HDAC8: variants seen among roughly 807,000 people sequenced by gnomAD.
The protein encoded by HDAC8 is histone deacetylase-like 1.
HDAC8 carries 1 observed loss-of-function variant against 32.2 expected under a neutral mutation model. That is an observed-to-expected ratio of 0.03 (90% CI 0.01 to 0.15). The LOEUF is 0.15. HDAC8 is among the 10% of genes least tolerant of loss of function. The probability of loss-of-function intolerance (pLI) is 1.00; values close to 1 mark genes in which losing one functional copy is unlikely to be tolerated. For synonymous variants in HDAC8, 108 were observed against 113.9 expected (o/e 0.95, Z 0.33); for missense variants, 117 against 300.0 (o/e 0.39, Z 4.51).
chrX:72,374,653 T>C (rs2044996839), intron 9 of HDAC8, among the ~76,000 whole-genome samples: 1 of 109,446 alleles, frequency 9.1e-6, no homozygotes, highest in Admixed American at 9.7e-5. Flanking sequence ...GCCTGGGTGA[T>C]GGGAGTGAAA....
intron 4 of HDAC8, among the ~76,000 whole-genome samples, chrX:72,544,506 G>A (rs782716317): frequency 9.0e-6 from 1 of 111,364 alleles, no homozygotes; most frequent in East Asian, 2.8e-4. Flanking sequence ...TGGTATCAAG[G>A]GATTGCTGAT....
intron 5 of HDAC8, among the ~76,000 whole-genome samples, chrX:72,491,470 G>C (rs1207428538): frequency 3.6e-5 from 4 of 112,150 alleles, no homozygotes; most frequent in Non-Finnish European, 5.6e-5. Context: ...ATAACCCTTT[G>C]AAAAATATGA....
At chrX:72,467,177 T>TACACACACACACACACACACAC in intron 7 of HDAC8, 1 of 96,380 alleles carries the variant, frequency 1.0e-5, no homozygotes, top group Admixed American at 1.2e-4. Context: ...TGCATAGAGC[T>TACACACACACACACACACACAC]ACACACACAC....
At chrX:72,523,724 G>T (rs1255487245) in intron 4 of HDAC8, among the ~76,000 whole-genome samples, 2 of 112,011 alleles carry the variant, frequency 1.8e-5, no homozygotes. Context: ...CCTTTATTGA[G>T]AATTTACTAT....
At chrX:72,437,701 C>A (rs782080442) in intron 9 of HDAC8, among the ~76,000 whole-genome samples, 3 of 112,051 alleles carry the variant, frequency 2.7e-5, no homozygotes, top group Non-Finnish European at 5.6e-5. Flanking sequence ...CGGTTTTCCA[C>A]TCACAGTGTA....
chrX:72,564,694 A>G (rs1330884540), intron 4 of HDAC8, among the ~76,000 whole-genome samples: 2 of 111,637 alleles, frequency 1.8e-5, no homozygotes, highest in Non-Finnish European at 3.8e-5. Flanking sequence ...TTCACTTGCA[A>G]TGCATCCTTT....
intron 4 of HDAC8, among the ~76,000 whole-genome samples, chrX:72,543,533 A>G (rs2050771580): frequency 9.0e-6 from 1 of 111,646 alleles, no homozygotes; most frequent in South Asian, 3.8e-4. Flanking sequence ...AATCTACAAT[A>G]GAGTTCATTG....
chrX:72,483,815 C>T (rs1267805208), intron 7 of HDAC8, among the ~76,000 whole-genome samples: 3 of 111,410 alleles, frequency 2.7e-5, no homozygotes, highest in Non-Finnish European at 3.8e-5. Flanking sequence ...TATAAAGATA[C>T]TATAATTTTT....
At chrX:72,440,292 A>T (rs1415989850) in intron 9 of HDAC8, among the ~76,000 whole-genome samples, 1 of 111,840 alleles carries the variant, frequency 8.9e-6, no homozygotes, top group African/African-American at 3.3e-5. Context: ...CAAAGATACA[A>T]TGTACCAGAA....
At chrX:72,509,096 C>A (rs60546280) in intron 4 of HDAC8, among the ~76,000 whole-genome samples, 1 of 107,521 alleles carries the variant, frequency 9.3e-6, no homozygotes, top group Non-Finnish European at 1.9e-5. Context: ...AAGATCTACC[C>A]TCTTATCAAT....
At chrX:72,443,909 T>C (rs1358478697) in intron 9 of HDAC8, among the ~76,000 whole-genome samples, 1 of 108,554 alleles carries the variant, frequency 9.2e-6, no homozygotes, top group Non-Finnish European at 1.9e-5. Context: ...TACAAACACC[T>C]CTATGCAAAT....
intron 10 of HDAC8, among the ~76,000 whole-genome samples, 174 bp from the exon 11 acceptor site, chrX:72,330,250 A>G (rs1555939854): frequency 2.7e-5 from 3 of 111,623 alleles, no homozygotes; most frequent in Non-Finnish European, 5.6e-5. Flanking sequence ...GGATGATGAG[A>G]AACAAATGGC....
intron 4 of HDAC8, among the ~76,000 whole-genome samples, chrX:72,515,941 C>G (rs1237722331): frequency 8.9e-6 from 1 of 111,962 alleles, no homozygotes; most frequent in African/African-American, 3.3e-5. Flanking sequence ...CTTCCCTGGT[C>G]TGAGAAGCTG....
intron 7 of HDAC8, chrX:72,473,645 C>G: frequency 1.3e-6 from 1 of 751,806 alleles, no homozygotes; most frequent in Non-Finnish European, 1.6e-6. Context: ...AGTTTTTGCT[C>G]TAAACCACTA....
At chrX:72,505,544 G>A (rs1308798293) in intron 4 of HDAC8, among the ~76,000 whole-genome samples, 1 of 111,637 alleles carries the variant, frequency 9.0e-6, no homozygotes, top group Non-Finnish European at 1.9e-5. Context: ...AGGGCTAGGC[G>A]CAGTGGCTCA....
At chrX:72,548,053 C>T (rs1163678575) in intron 4 of HDAC8, among the ~76,000 whole-genome samples, 12 of 111,744 alleles carry the variant, frequency 1.1e-4, no homozygotes, top group African/African-American at 3.3e-4. Context: ...GACTGTGATA[C>T]CTTAAGCGGT....
chrX:72,563,496 C>T (rs1009445085), intron 4 of HDAC8, among the ~76,000 whole-genome samples: 19 of 111,111 alleles, frequency 1.7e-4, no homozygotes, highest in Non-Finnish European at 2.8e-4. Context: ...GAGCCAAGAC[C>T]GTGCAACTGC....
intron 4 of HDAC8, among the ~76,000 whole-genome samples, chrX:72,502,925 CA>C (rs1200626997): frequency 9.1e-6 from 1 of 109,372 alleles, no homozygotes; most frequent in Non-Finnish European, 1.9e-5. Context: ...GACTCTGTCT[CA>C]AAAAAAATAA....
At chrX:72,526,930 T>C (rs1362781714) in intron 4 of HDAC8, among the ~76,000 whole-genome samples, 3 of 111,407 alleles carry the variant, frequency 2.7e-5, no homozygotes, top group Non-Finnish European at 5.6e-5. Flanking sequence ...TGTACCAGTC[T>C]TCCTGCCTCT....
Sources: allele counts gnomAD v4.1 joint callset (sites outside exome capture counted in the v4.1 genomes callset), GRCh38; gene constraint gnomAD v4.1.1; transcripts MANE v1.5; gene names NCBI Gene and HGNC (gene_info 2026-07-23, HGNC 2026-07-21).